YTHDF1: variants seen among roughly 807,000 people sequenced by gnomAD.
The protein encoded by YTHDF1 is YTH N6-methyladenosine RNA binding protein F1, also known as YTH domain-containing family protein 1.
In YTHDF1, 16 loss-of-function variants were observed where a neutral mutation model predicts 49.1. The ratio of observed to expected loss-of-function variants is 0.33; its 90% CI spans 0.22 to 0.49. The LOEUF (loss-of-function observed/expected upper bound fraction) is 0.49, where lower values mean the gene tolerates loss of function less well. Ranked by LOEUF, YTHDF1 falls within the 20% of genes least tolerant of loss-of-function variation. The pLI, the probability that YTHDF1 is intolerant of heterozygous loss-of-function variation, is 0.99. For missense variants in YTHDF1, 621 were observed against 744.3 expected (o/e 0.83, Z 1.93); for synonymous variants, 313 against 290.1 (o/e 1.08, Z -0.80).
At chr20:63,206,554 G>C (rs902849947) in intron 3 of YTHDF1, among the ~76,000 whole-genome samples, 1 of 152,180 alleles carries the variant, frequency 6.6e-6, no homozygotes, top group South Asian at 2.1e-4. Flanking sequence ...TTCAGCTCCA[G>C]ATCACCACCA....
chr20:63,208,319 G>A lies in YTHDF1; in HGVS notation c.133-4512C>T, dbSNP rs570572971. On this transcript the variant is annotated intron_variant, in intron 3 of 4. Coordinates refer to ENST00000370339, the MANE Select transcript of YTHDF1 (RefSeq NM_017798.4). ...AGTATTAAGGGTACTGCTGAAAAGT[G>A]AGGGAGTGATATGGCTCCTGGGAAG... Among the ~76,000 whole-genome samples the A allele has an allele frequency of 7.1e-4, 108 of 152,320 alleles. 1 individual carries two copies. The South Asian group carries it at 0.015, about 21-fold the overall frequency.
At chr20:63,202,266 G>C in intron 4 of YTHDF1, 21 bp downstream of exon 4, 2 of 1,600,980 alleles carry the variant, frequency 1.2e-6, no homozygotes, top group African/African-American at 1.3e-5. Flanking sequence ...CATGGCAGTT[G>C]CCTGCAACAC....
At chr20:63,206,157 T>C (rs1015924571) in intron 3 of YTHDF1, among the ~76,000 whole-genome samples, 1 of 152,230 alleles carries the variant, frequency 6.6e-6, no homozygotes, top group Non-Finnish European at 1.5e-5. Context: ...TCCCATTAGC[T>C]GGACACGTGC....
chr20:63,211,468 A>C (rs950010158), intron 3 of YTHDF1, among the ~76,000 whole-genome samples: 2 of 152,166 alleles, frequency 1.3e-5, no homozygotes, highest in African/African-American at 4.8e-5. Context: ...TGTCTCCAAC[A>C]AAAAAGGACC....
rs1420322338 is a variant in YTHDF1 at position 63,212,142 on chromosome 20, T to C, written c.132+1722A>G. On this transcript the variant is annotated intron_variant, in intron 3 of 4. Coordinates refer to ENST00000370339, the MANE Select transcript of YTHDF1 (RefSeq NM_017798.4). ...AAAAAATTAGTTAACTTCCTGCCAT[T>C]ACCTCTATCCAAAGGCCCATCACTA... Among the ~76,000 whole-genome samples the C allele has an allele frequency of 5.9e-5, 9 of 152,314 alleles. No homozygotes were observed. In the East Asian group the frequency reaches 1.5e-3, roughly 26 times the overall value.
At chr20:63,205,798 A>G (rs2066543155) in intron 3 of YTHDF1, among the ~76,000 whole-genome samples, 1 of 152,134 alleles carries the variant, frequency 6.6e-6, no homozygotes, top group African/African-American at 2.4e-5. Flanking sequence ...CATGAGCCAC[A>G]GCGCCTGGCC....
Position 63,203,481 on chromosome 20 carries a change from G to A in YTHDF1, c.459C>T (p.Tyr153=), listed in dbSNP as rs768245222. The A allele has an allele frequency of 3.1e-6, 5 of 1,613,428 alleles. No individual in the cohort carries two copies. Among genetic ancestry groups the A allele is most frequent in the African/African-American group, 1.3e-5 (1 of 74,922 alleles). Residue 153 remains tyrosine, a synonymous_variant, in exon 4 of 5, where the codon TAC becomes TAT. Coordinates refer to ENST00000370339, the MANE Select transcript of YTHDF1 (RefSeq NM_017798.4). This position sits in a 1 kb window ranked among gnomAD's most constrained non-coding sequence, Gnocchi z 4.4. ...CCGTGCCACCCAGGGAGCTCGGGGGGTAGGTGTAGCTGCTCCCATACGCGG... is the reference window on the plus strand; with the variant it reads ...CCGTGCCACCCAGGGAGCTCGGGGGATAGGTGTAGCTGCTCCCATACGCGG... ...QSSAYGSSYT[Y]PPSSLGGTVV... is the part of the protein sequence containing the mutation.
Position 63,206,507 on chromosome 20 carries a change from G to A in YTHDF1, c.133-2700C>T, listed in dbSNP as rs116956113. Among the ~76,000 whole-genome samples, 89 of 152,350 alleles carry A rather than the reference G, an allele frequency of 5.8e-4. No individual in the cohort carries two copies. The East Asian group carries it at 0.017, about 29-fold the overall frequency. On this transcript the variant is annotated intron_variant, in intron 3 of 4. Coordinates refer to ENST00000370339, the MANE Select transcript of YTHDF1 (RefSeq NM_017798.4). ...CATCCAGCTTCCCTCTACCCAAGGT[G>A]CAGGGCCTGCAGTTCTAGCCAGTAC...
At chr20:63,196,964 A>C (rs1203609465) in intron 4 of YTHDF1, among the ~76,000 whole-genome samples, 1 of 152,184 alleles carries the variant, frequency 6.6e-6, no homozygotes, top group South Asian at 2.1e-4. Context: ...CCAGGAGAAA[A>C]GCATCAACCA....
At position 63,215,591 on chromosome 20, in the gene YTHDF1, C is replaced by T; in HGVS notation, c.38G>A (p.Gly13Glu). 2 of 1,612,334 alleles carry T rather than the reference C, an allele frequency of 1.2e-6. No homozygotes were observed. The highest frequency in any genetic ancestry group is 1.7e-6 in the Non-Finnish European group (2 of 1,179,270). Residue 13 changes from glycine (G) to glutamate (E), a missense_variant, in exon 2 of 5, where the codon GGA becomes GAA. By Grantham distance (98) the Gly-to-Glu change is moderately conservative. Coordinates refer to ENST00000370339, the MANE Select transcript of YTHDF1 (RefSeq NM_017798.4). The stretch of plus-strand genomic sequence containing the variant: ...ACTCCGCTCACCTTTATTATCTTGT[C>T]CTTTTGTTCTCTGCACCGCCGCAGG... ...ATSVDTQRTK[G>E]QDNKVQNGSL...
intron 3 of YTHDF1, among the ~76,000 whole-genome samples, chr20:63,207,027 C>T (rs962744107): frequency 7.2e-5 from 11 of 152,232 alleles, no homozygotes; most frequent in African/African-American, 2.7e-4. Context: ...CTTTGATCTC[C>T]CTTTGTCTCC....
At chr20:63,196,790 C>T (rs2066494608) in intron 4 of YTHDF1, 56 bp from the exon 5 acceptor site, 2 of 1,608,376 alleles carry the variant, frequency 1.2e-6, no homozygotes, top group Non-Finnish European at 8.5e-7. Flanking sequence ...ATGAATCCCT[C>T]CCAAAAGTGA....
chr20:63,200,061 A>G (rs1393233987), intron 4 of YTHDF1, among the ~76,000 whole-genome samples: 1 of 151,952 alleles, frequency 6.6e-6, no homozygotes, highest in Non-Finnish European at 1.5e-5. Context: ...TCAAAAACAA[A>G]AACAAAAAGC....
intron 2 of YTHDF1, among the ~76,000 whole-genome samples, chr20:63,214,776 T>G (rs2066593351): frequency 6.6e-6 from 1 of 152,316 alleles, no homozygotes; most frequent in South Asian, 2.1e-4. Flanking sequence ...AATTTCCTTG[T>G]GGGCAAACTG....
intron 3 of YTHDF1, among the ~76,000 whole-genome samples, chr20:63,212,805 G>A (rs1345235391): frequency 1.3e-5 from 2 of 152,192 alleles, no homozygotes; most frequent in African/African-American, 4.8e-5. Flanking sequence ...TGGGGATGGG[G>A]AGAAGGAGTT....
In YTHDF1 at chr20:63,215,615, G is replaced by A. The variant is rs992492748; in HGVS notation, c.28-14C>T. The A allele has an allele frequency of 3.1e-6, 5 of 1,607,400 alleles. No individual in the cohort carries two copies. Among genetic ancestry groups the A allele is most frequent in the African/African-American group, 2.7e-5 (2 of 74,256 alleles). ...TCCTTTTGTTCTCTGCACCGCCGCAGGCCGGGACGTGGGGTACACACAACC... is the reference window on the plus strand; with the variant it reads ...TCCTTTTGTTCTCTGCACCGCCGCAAGCCGGGACGTGGGGTACACACAACC... On this transcript the variant is annotated splice_polypyrimidine_tract_variant and intron_variant, in intron 1 of 4. Coordinates refer to ENST00000370339, the MANE Select transcript of YTHDF1 (RefSeq NM_017798.4).
Position 63,196,197 on chromosome 20 carries a change from G to A in YTHDF1, c.*511C>T, listed in dbSNP as rs1443855720. On this transcript the variant is annotated 3_prime_UTR_variant, in exon 5 of 5. Coordinates refer to ENST00000370339, the MANE Select transcript of YTHDF1 (RefSeq NM_017798.4). ...ATCTGTCTAGCAGAAAAATCAAATG[G>A]GTAAATTAGCACTTTAGACCGATAA... 6.6e-6 allele frequency: 1 copy of A among 150,792 alleles called. No homozygotes were observed. The highest frequency in any genetic ancestry group is 2.4e-5 in the African/African-American group (1 of 41,106). 9.3% of individuals were successfully genotyped at this position (150,792 alleles called of 1,614,324 possible). A position where few individuals can be genotyped will look rare whatever the true frequency, so the allele number is the denominator to read the frequency against.
Position 63,196,667 on chromosome 20 carries a change from T to C in YTHDF1, c.*41A>G, listed in dbSNP as rs762257104. The C allele has an allele frequency of 2.5e-5, 41 of 1,612,872 alleles. No individual in the cohort carries two copies. The highest frequency in any genetic ancestry group is 1.6e-4 in the Middle Eastern group (1 of 6,072). ...CAAGCACACGTGTTTTAAACTGTTTTCAAAGTCAAACGTTAGAACATGTAA... is the reference window on the plus strand; with the variant it reads ...CAAGCACACGTGTTTTAAACTGTTTCCAAAGTCAAACGTTAGAACATGTAA... On this transcript the variant is annotated 3_prime_UTR_variant, in exon 5 of 5. Coordinates refer to ENST00000370339, the MANE Select transcript of YTHDF1 (RefSeq NM_017798.4).
intron 2 of YTHDF1, among the ~76,000 whole-genome samples, 169 bp downstream of exon 2, chr20:63,215,406 CCT>C (rs1274339122): frequency 4.6e-5 from 7 of 152,184 alleles, no homozygotes; most frequent in African/African-American, 1.7e-4. Flanking sequence ...TTGAGAAGCC[CCT>C]GTCTTCGACC....
Sources: gnomAD v4.1 joint callset for allele counts (sites outside exome capture counted in the v4.1 genomes callset) on GRCh38, gnomAD v4.1.1 for gene constraint, Gnocchi (gnomAD v3.1) non-coding constraint, MANE v1.5 for transcripts, NCBI Gene and HGNC (gene_info 2026-07-23, HGNC 2026-07-21) for gene names.